The following ATP10A variants were observed in gnomAD, a reference collection of about 807,000 sequenced individuals.
ATP10A encodes phospholipid-transporting ATPase VA.
Under a neutral mutation model 147.8 loss-of-function variants are expected in ATP10A, and 111 were observed. That is an observed-to-expected ratio of 0.75 (90% CI 0.64 to 0.88). The LOEUF is 0.88. Among genes scored for constraint, ATP10A ranks in the 40% least tolerant of loss-of-function variants. ATP10A has a pLI of 0.00. For synonymous variants in ATP10A, 875 were observed against 841.6 expected (o/e 1.04, Z -0.69); for missense variants, 1,927 against 1,959.0 (o/e 0.98, Z 0.31).
chr15:25,747,967 T>G (rs1248918441), intron 2 of ATP10A, among the ~76,000 whole-genome samples: 1 of 152,144 alleles, frequency 6.6e-6, no homozygotes, highest in Non-Finnish European at 1.5e-5. Context: ...AAAATTCTTT[T>G]TTTTTTTTCT....
Position 25,713,933 on chromosome 15 carries a change from C to A in ATP10A, c.2085G>T (p.Ala695=), listed in dbSNP as rs149860509. 6.2e-6 allele frequency: 10 copies of A among 1,611,638 alleles called. No individual in the cohort carries two copies. Among genetic ancestry groups the A allele is most frequent in the African/African-American group, 1.3e-5 (1 of 74,948 alleles). The change falls in exon 10 of 21, where the codon GCG becomes GCT. Residue 695 remains alanine (A), a synonymous_variant. Coordinates refer to ENST00000555815, the MANE Select transcript of ATP10A (RefSeq NM_024490.4). ...CCAGTGCGGCCTCATCCGGGCTCTC[C>A]GCCTCGTACCGCAGCTCGCGCTCTG... ...QESERELRYE[A]ESPDEAALVY...
intron 1 of ATP10A, among the ~76,000 whole-genome samples, chr15:25,821,766 A>C (rs1891901138): frequency 6.6e-6 from 1 of 152,234 alleles, no homozygotes; most frequent in Non-Finnish European, 1.5e-5. Context: ...TAGGAAACAT[A>C]ATACTGTTGG....
chr15:25,836,303 A>G (rs1249231733), intron 1 of ATP10A, among the ~76,000 whole-genome samples: 1 of 151,926 alleles, frequency 6.6e-6, no homozygotes, highest in East Asian at 1.9e-4. Context: ...CTCTTTTCCC[A>G]GCTATATAAC....
downstream of ATP10A, among the ~76,000 whole-genome samples, chr15:25,676,453 G>A (rs1899138047): frequency 6.6e-6 from 1 of 152,208 alleles, no homozygotes; most frequent in African/African-American, 2.4e-5. Flanking sequence ...TACAGCTGGG[G>A]CCTGCATTTT....
downstream of ATP10A, chr15:25,677,749 G>C (rs1315284938): frequency 6.6e-6 from 1 of 152,242 alleles, no homozygotes. Context: ...ACAGGGCATA[G>C]AGATTCTTCT....
In ATP10A at chr15:25,736,684, T is replaced by C. The variant is rs561283122; in HGVS notation, c.655-543A>G. Among the ~76,000 whole-genome samples the C allele has an allele frequency of 2.0e-5, 3 of 151,766 alleles. No individual in the cohort carries two copies. The South Asian group carries it at 6.3e-4, about 32-fold the overall frequency. The stretch of plus-strand genomic sequence containing the variant: ...AAACCCTGACAACTCACCACAAAAA[T>C]GTCTTTAGAATTTTTCCATTGATAG... On this transcript the variant is annotated intron_variant, in intron 2 of 20. Transcript: ENST00000555815.
At chr15:25,818,272 T>C (rs2085663571) in intron 1 of ATP10A, among the ~76,000 whole-genome samples, 2 of 152,108 alleles carry the variant, frequency 1.3e-5, no homozygotes, top group African/African-American at 2.4e-5. Context: ...TATGTAAAAG[T>C]CAAAATATTT....
At chr15:25,765,400 C>T (rs1437640260) in intron 2 of ATP10A, among the ~76,000 whole-genome samples, 2 of 152,180 alleles carry the variant, frequency 1.3e-5, no homozygotes, top group Non-Finnish European at 2.9e-5. Context: ...GAACATTCAG[C>T]GTGTCCAACT....
rs1382973358 is a variant in ATP10A at position 25,714,168 on chromosome 15, C to A, written c.1850G>T (p.Cys617Phe). ...GATGCTGCTGCAGCCTGAGGTCAGG[C>A]AGCTGGGTGTGAACCTCCGCAGGAA... ...EDFLRRFTPS[C>F]LTSGCSSIGS... is the part of the protein sequence containing the mutation. The change falls in exon 10 of 21, where the codon TGC (cysteine) becomes TTC (phenylalanine). Residue 617 changes from cysteine (C) to phenylalanine (F), a missense_variant. Physicochemically the swap from Cys to Phe is radical, Grantham distance 205 (BLOSUM62 -2). Coordinates refer to ENST00000555815, the MANE Select transcript of ATP10A (RefSeq NM_024490.4). The A allele has an allele frequency of 5.6e-6, 9 of 1,609,414 alleles. No homozygotes were observed. The highest frequency in any genetic ancestry group is 7.6e-6 in the Non-Finnish European group (9 of 1,180,020).
At chr15:25,817,091 T>C (rs1486936655) in intron 1 of ATP10A, among the ~76,000 whole-genome samples, 3 of 152,094 alleles carry the variant, frequency 2.0e-5, no homozygotes, top group Non-Finnish European at 4.4e-5. Context: ...TTTGTTTTTG[T>C]TTTTTTCTTG....
At chr15:25,805,938 G>C (rs1891160504) in intron 1 of ATP10A, among the ~76,000 whole-genome samples, 1 of 152,192 alleles carries the variant, frequency 6.6e-6, no homozygotes, top group African/African-American at 2.4e-5. Flanking sequence ...ATTATAAGCA[G>C]CCCCTTACAA....
At chr15:25,846,763 C>T (rs1030544192) in intron 1 of ATP10A, among the ~76,000 whole-genome samples, 1 of 152,288 alleles carries the variant, frequency 6.6e-6, no homozygotes, top group African/African-American at 2.4e-5. Flanking sequence ...AAAGTGATGC[C>T]CACACACAAA....
At position 25,679,731 on chromosome 15, in the gene ATP10A, G is replaced by A. The variant is rs1156375561; in HGVS notation, c.4110C>T (p.Pro1370=). 6.8e-6 allele frequency: 11 copies of A among 1,613,212 alleles called. No individual in the cohort carries two copies. The highest frequency in any genetic ancestry group is 1.3e-5 in the African/African-American group (1 of 74,928). ...PVCSLEASGE[P]STVDMSMPVR... Reference sequence around the variant, plus strand: ...CTGGCATGCTCATGTCCACTGTGCTGGGCTCCCCGCTGGCCTCCAGGGAGC... The same window carrying A: ...CTGGCATGCTCATGTCCACTGTGCTAGGCTCCCCGCTGGCCTCCAGGGAGC... Residue 1370 remains proline (P), a synonymous_variant, in exon 21 of 21, where the codon CCC becomes CCT. Coordinates refer to ENST00000555815, the MANE Select transcript of ATP10A (RefSeq NM_024490.4).
chr15:25,799,240 A>T (rs914405034), intron 1 of ATP10A, among the ~76,000 whole-genome samples: 12 of 152,150 alleles, frequency 7.9e-5, no homozygotes, highest in African/African-American at 2.7e-4. Context: ...AGCAGCTTTC[A>T]TCCTGGGCTC....
intron 1 of ATP10A, among the ~76,000 whole-genome samples, chr15:25,821,029 T>C (rs1352332973): frequency 6.6e-6 from 1 of 152,208 alleles, no homozygotes; most frequent in Admixed American, 6.5e-5. Context: ...ATTACAGTCA[T>C]ATCAATATAT....
chr15:25,694,746 GGT>G (rs1900219670), intron 14 of ATP10A, 71 bp downstream of exon 14: 1 of 1,307,812 alleles, frequency 7.6e-7, no homozygotes, highest in African/African-American at 1.5e-5. Flanking sequence ...CCCATCTCGT[GGT>G]GTAGCATGGA....
At position 25,706,027 on chromosome 15, in the gene ATP10A, G is replaced by A. The variant is rs1229665652; in HGVS notation, c.2575+1949C>T. ...TCAGTTTGGAGAAACGCTGATGACC[G>A]GGATCCCGACTCCAATCAGAGGAAG... On this transcript the variant is annotated intron_variant, in intron 12 of 20. Transcript: ENST00000555815. Among the ~76,000 whole-genome samples the A allele has an allele frequency of 7.2e-5, 11 of 152,112 alleles. No homozygotes were observed. In the South Asian group the frequency reaches 1.0e-3, roughly 14 times the overall value.
intron 3 of ATP10A, among the ~76,000 whole-genome samples, chr15:25,733,378 C>T (rs1466917018): frequency 3.3e-5 from 5 of 152,050 alleles, no homozygotes; most frequent in African/African-American, 1.2e-4. Flanking sequence ...CCAGGCCCTA[C>T]AGGAGGGAGG....
chr15:25,835,822 A>G (rs1227865017), intron 1 of ATP10A, among the ~76,000 whole-genome samples: 1 of 151,692 alleles, frequency 6.6e-6, no homozygotes, highest in Non-Finnish European at 1.5e-5. Context: ...TTATTTATCT[A>G]TTTATTTTTG....
Sources: gnomAD v4.1 joint callset for allele counts (sites outside exome capture counted in the v4.1 genomes callset) on GRCh38, gnomAD v4.1.1 for gene constraint, MANE v1.5 for transcripts, NCBI Gene and HGNC (gene_info 2026-07-23, HGNC 2026-07-21) for gene names.